SNRNP40: variants seen among roughly 807,000 people sequenced by gnomAD.
SNRNP40 encodes small nuclear ribonucleoprotein U5 subunit 40, also known as U5 small nuclear ribonucleoprotein 40 kDa protein.
In SNRNP40, 21 loss-of-function variants were observed where a neutral mutation model predicts 45.8. The observed-to-expected ratio is 0.46, with a 90% CI of 0.32 to 0.66. The LOEUF (loss-of-function observed/expected upper bound fraction) is 0.66, where lower values mean the gene tolerates loss of function less well. Ranked by LOEUF, SNRNP40 falls within the 30% of genes least tolerant of loss-of-function variation. The pLI, the probability that SNRNP40 is intolerant of heterozygous loss-of-function variation, is 0.03. For missense variants in SNRNP40, 344 were observed against 439.1 expected (o/e 0.78, Z 1.94); for synonymous variants, 142 against 163.8 (o/e 0.87, Z 1.01).
At chr1:31,281,614 C>T (rs1039033547) in intron 4 of SNRNP40, 118 bp from the exon 5 acceptor site, 2 of 814,946 alleles carry the variant, frequency 2.5e-6, no homozygotes, top group African/African-American at 3.4e-5. Context: ...AATTGGGATC[C>T]TATATCACTA....
intron 4 of SNRNP40, among the ~76,000 whole-genome samples, chr1:31,287,785 G>A: frequency 6.6e-6 from 1 of 152,168 alleles, no homozygotes; most frequent in East Asian, 1.9e-4. Flanking sequence ...GGATCACAAG[G>A]TCAGGAGTTT....
At position 31,259,890 on chromosome 1, in the gene SNRNP40, C is replaced by T; in HGVS notation, c.*182G>A. On this transcript the variant is annotated 3_prime_UTR_variant, in exon 10 of 10. Coordinates refer to ENST00000263694, the MANE Select transcript of SNRNP40 (RefSeq NM_004814.3). ...GTTTTTAGAGGCCACAGGGAGCTTG[C>T]CTTAGTCATCCTGGTGAAATGGGAC... is the stretch of plus-strand genomic sequence containing the variant. The T allele has an allele frequency of 1.4e-6, 1 of 700,636 alleles. No homozygotes were observed. Among genetic ancestry groups the T allele is most frequent in the Non-Finnish European group, 2.6e-6 (1 of 383,436 alleles). 43.4% of individuals were successfully genotyped at this position (700,636 alleles called of 1,614,324 possible).
Position 31,271,780 on chromosome 1 carries a change from A to T in SNRNP40, c.655-281T>A, listed in dbSNP as rs566611404. Among the ~76,000 whole-genome samples the T allele has an allele frequency of 1.4e-4, 21 of 151,996 alleles. No individual in the cohort carries two copies. The South Asian group carries it at 4.4e-3, about 32-fold the overall frequency. On this transcript the variant is annotated intron_variant, in intron 5 of 9. Coordinates refer to ENST00000263694, the MANE Select transcript of SNRNP40 (RefSeq NM_004814.3). ...CATCTAAGCCTCCCCAGTAGCTGGG[A>T]CTACAGGAGCATGCTACTATACCCA...
chr1:31,271,017 T>C (rs954171295), intron 6 of SNRNP40, among the ~76,000 whole-genome samples: 1 of 152,214 alleles, frequency 6.6e-6, no homozygotes, highest in Non-Finnish European at 1.5e-5. Context: ...CCAAGCTTGG[T>C]GCTCTCTGAA....
chr1:31,282,731 G>A (rs1049158802), intron 4 of SNRNP40, among the ~76,000 whole-genome samples: 1 of 151,884 alleles, frequency 6.6e-6, no homozygotes, highest in African/African-American at 2.4e-5. Context: ...GCCGGAGTGC[G>A]GTGGTGCGAT....
chr1:31,288,365 AATT>A (rs1391475759), intron 4 of SNRNP40, among the ~76,000 whole-genome samples: 11 of 152,088 alleles, frequency 7.2e-5, no homozygotes, highest in Non-Finnish European at 1.5e-5. Flanking sequence ...CTCTGAGATA[AATT>A]ATTATTTCTA....
chr1:31,283,105 A>C (rs1646031520), intron 4 of SNRNP40, among the ~76,000 whole-genome samples: 1 of 152,190 alleles, frequency 6.6e-6, no homozygotes, highest in Non-Finnish European at 1.5e-5. Context: ...CTAAGGAGAG[A>C]TGTAAACTGC....
chr1:31,293,309 G>C lies in SNRNP40; in HGVS notation c.181C>G (p.Leu61Val). The change falls in exon 2 of 10, where the codon CTG (leucine) becomes GTG (valine). Residue 61 changes from leucine to valine, a missense_variant. Leu to Val is a conservative substitution (Grantham distance 32). Around this residue, in one of 2 missense-constraint regions of SNRNP40, gnomAD observed 254 missense variants for 380.2 expected, o/e 0.67. Coordinates refer to ENST00000263694, the MANE Select transcript of SNRNP40 (RefSeq NM_004814.3). Reference sequence around the variant, plus strand: ...ACTTCCCCTTCATGTCCAGAGAGCAGCATGATTGGGGCTTGAAGGGAGGAA... The same window carrying C: ...ACTTCCCCTTCATGTCCAGAGAGCACCATGATTGGGGCTTGAAGGGAGGAA... ...RCSSLQAPIMLLSGHEGEVYC... is the reference protein window; with the variant it reads ...RCSSLQAPIMVLSGHEGEVYC... 6.2e-7 allele frequency: 1 copy of C among 1,613,578 alleles called. No homozygotes were observed. Among genetic ancestry groups the C allele is most frequent in the South Asian group, 1.1e-5 (1 of 90,952 alleles).
intron 2 of SNRNP40, among the ~76,000 whole-genome samples, chr1:31,292,685 G>A (rs1406952277): frequency 2.0e-5 from 3 of 151,964 alleles, no homozygotes; most frequent in Admixed American, 1.3e-4. Flanking sequence ...TAAATAAAAC[G>A]ACTTTTTCTA....
intron 7 of SNRNP40, among the ~76,000 whole-genome samples, chr1:31,268,288 T>TG: frequency 1.0e-5 from 1 of 97,962 alleles, no homozygotes; most frequent in East Asian, 2.1e-4. Flanking sequence ...AATTTTGGGT[T>TG]TTTTTTTTTT....
chr1:31,290,674 G>A (rs937513508), intron 3 of SNRNP40, among the ~76,000 whole-genome samples: 16 of 151,852 alleles, frequency 1.1e-4, no homozygotes, highest in Non-Finnish European at 7.4e-5. Flanking sequence ...TCAGGAGATC[G>A]AGACCATCCT....
chr1:31,279,833 G>T (rs1284318410), intron 5 of SNRNP40, among the ~76,000 whole-genome samples: 4 of 151,660 alleles, frequency 2.6e-5, no homozygotes, highest in Non-Finnish European at 1.5e-5. Flanking sequence ...TTTAGGCCGG[G>T]CACGGTGGCT....
At chr1:31,290,284 C>T (rs1646094890) in intron 3 of SNRNP40, among the ~76,000 whole-genome samples, 1 of 152,158 alleles carries the variant, frequency 6.6e-6, no homozygotes, top group Non-Finnish European at 1.5e-5. Context: ...ATCCTCCTGC[C>T]TCAGCCTCCC....
At chr1:31,295,392 G>C (rs74872508) in intron 1 of SNRNP40, among the ~76,000 whole-genome samples, 3,789 of 152,272 alleles carry the variant, frequency 0.025, 207 homozygotes, top group East Asian at 0.18. Flanking sequence ...TCCACAGTAT[G>C]TGGTACTGCA....
intron 5 of SNRNP40, among the ~76,000 whole-genome samples, chr1:31,278,199 T>C (rs1475946678): frequency 6.6e-6 from 1 of 152,194 alleles, no homozygotes; most frequent in Non-Finnish European, 1.5e-5. Context: ...CTTCTTTTAT[T>C]TAAGCTGTGA....
chr1:31,264,113 GATC>G (rs1645880190), intron 8 of SNRNP40, among the ~76,000 whole-genome samples: 1 of 152,032 alleles, frequency 6.6e-6, no homozygotes. Flanking sequence ...ACCAGTACTT[GATC>G]ATAAAAATGG....
intron 4 of SNRNP40, among the ~76,000 whole-genome samples, chr1:31,286,181 C>T (rs1051695954): frequency 2.6e-5 from 4 of 151,460 alleles, no homozygotes; most frequent in African/African-American, 9.7e-5. Context: ...CACACACACA[C>T]TCACACATTT....
At chr1:31,280,704 T>G (rs1051381215) in intron 5 of SNRNP40, among the ~76,000 whole-genome samples, 1 of 151,974 alleles carries the variant, frequency 6.6e-6, no homozygotes, top group African/African-American at 2.4e-5. Context: ...CCAGGAATTC[T>G]GCTAAGTGCT....
chr1:31,295,180 A>G (rs1274937218), intron 1 of SNRNP40, among the ~76,000 whole-genome samples: 1 of 152,048 alleles, frequency 6.6e-6, no homozygotes, highest in Non-Finnish European at 1.5e-5. Context: ...GCTTGAGCTC[A>G]GGAGTGAAAT....
Sources: gnomAD v4.1 joint callset for allele counts (sites outside exome capture counted in the v4.1 genomes callset) on GRCh38, gnomAD v4.1.1 for gene constraint, gnomAD v4.1.1 regional missense constraint, MANE v1.5 for transcripts, NCBI Gene and HGNC (gene_info 2026-07-23, HGNC 2026-07-21) for gene names.